Variants in OGDHL observed in about 807,000 individuals in gnomAD.
The protein encoded by OGDHL is 2-oxoglutarate dehydrogenase-like, mitochondrial.
In OGDHL, 79 loss-of-function variants were observed where a neutral mutation model predicts 109.6. That is an observed-to-expected ratio of 0.72 (90% CI 0.60 to 0.87). The LOEUF (loss-of-function observed/expected upper bound fraction) is 0.87, where lower values mean the gene tolerates loss of function less well. Among genes scored for constraint, OGDHL ranks in the 40% least tolerant of loss-of-function variants. The pLI is 0.00. For synonymous variants in OGDHL, 528 were observed against 537.2 expected, an observed-to-expected ratio of 0.98 and a Z score of 0.24; for missense variants, 1,275 against 1,362.2, an observed-to-expected ratio of 0.94 and a Z score of 1.01.
intron 8 of OGDHL, among the ~76,000 whole-genome samples, 153 bp downstream of exon 8, chr10:49,749,573 C>T (rs1002497413): frequency 7.2e-5 from 11 of 152,170 alleles, no homozygotes; most frequent in African/African-American, 2.7e-4. Context: ...TTAGGGTCCT[C>T]AGGCAAACAC....
chr10:49,743,164 G>A (rs1268722), intron 14 of OGDHL, among the ~76,000 whole-genome samples, 186 bp from the exon 15 acceptor site: 57,580 of 152,248 alleles, frequency 0.38, 13,542 homozygotes, highest in East Asian at 0.87. Context: ...GGGCTACCCC[G>A]AGCCTGTGGA....
chr10:49,746,081 G>A, intron 10 of OGDHL, 104 bp from the exon 11 acceptor site: 1 of 1,320,072 alleles, frequency 7.6e-7, no homozygotes, highest in Non-Finnish European at 1.0e-6. Flanking sequence ...GGTCCACTGA[G>A]GTGCCCAGGA....
Position 49,739,653 on chromosome 10 carries a change from G to A in OGDHL, c.2319+8C>T, listed in dbSNP as rs750677681. 8.7e-6 allele frequency: 14 copies of A among 1,611,854 alleles called. No individual in the cohort carries two copies. Among genetic ancestry groups the A allele is most frequent in the Non-Finnish European group, 1.1e-5 (13 of 1,178,688 alleles). The stretch of plus-strand genomic sequence containing the variant: ...CACCAAGCCACCAGCCACCACCGCA[G>A]CCCTCACCATGCCTTCCATGCCATG... On this transcript the variant is annotated splice_region_variant and intron_variant, in intron 17 of 22. Coordinates refer to ENST00000374103, the MANE Select transcript of OGDHL (RefSeq NM_018245.3).
intron 10 of OGDHL, among the ~76,000 whole-genome samples, chr10:49,746,310 C>A (rs563731740): frequency 2.0e-4 from 30 of 152,322 alleles, no homozygotes; most frequent in African/African-American, 6.7e-4. Flanking sequence ...CAGCCTGTTT[C>A]CTCATCTATA....
At chr10:49,735,728 T>C (rs1426610291) in intron 22 of OGDHL, among the ~76,000 whole-genome samples, 1 of 152,228 alleles carries the variant, frequency 6.6e-6, no homozygotes, top group Non-Finnish European at 1.5e-5. Flanking sequence ...CCAGAGCTAA[T>C]ACATACATCA....
rs953616778 is a variant in OGDHL at position 49,762,290 on chromosome 10, A to T, written c.-53T>A. On this transcript the variant is annotated 5_prime_UTR_variant, in exon 1 of 23. Coordinates refer to ENST00000374103, the MANE Select transcript of OGDHL (RefSeq NM_018245.3). ...CAGCGAGGTCCGGAGGCTGCAGGTC[A>T]GGGGGCTGCGCGGAAGGGGTGCGCG... 6.6e-6 allele frequency: 1 copy of T among 152,052 alleles called. No homozygotes were observed. The highest frequency in any genetic ancestry group is 2.4e-5 in the African/African-American group (1 of 41,428). The allele number at this position is 152,052 out of a possible 1,614,324, so 9.4% of individuals were successfully genotyped here. A position where few individuals can be genotyped will look rare whatever the true frequency, so the allele number is the denominator to read the frequency against.
chr10:49,760,616 C>T (rs1843211244), intron 1 of OGDHL, among the ~76,000 whole-genome samples: 2 of 152,224 alleles, frequency 1.3e-5, no homozygotes, highest in Admixed American at 1.3e-4. Flanking sequence ...ACATAATAGG[C>T]ACCGTCAGGA....
rs1224328872 is a variant in OGDHL, at chr10:49,740,772, A to T, written c.2078T>A (p.Leu693His). 6.2e-7 allele frequency: 1 copy of T among 1,613,940 alleles called. No individual in the cohort carries two copies. Among genetic ancestry groups the T allele is most frequent in the Non-Finnish European group, 8.5e-7 (1 of 1,179,856 alleles). Residue 693 changes from leucine to histidine, a missense_variant, in exon 16 of 23, where the codon CTC (leucine) becomes CAC (histidine). Leu to His is a moderately conservative substitution (Grantham distance 99). Coordinates refer to ENST00000374103, the MANE Select transcript of OGDHL (RefSeq NM_018245.3). ...DRRTCVPMNH[L>H]WPDQAPYTVC... ...GGTGTACGGGGCCTGGTCAGGCCAG[A>T]GATGATTCATAGGCACACACGTCCT...
chr10:49,738,018 C>A lies in OGDHL; in HGVS notation c.2446G>T (p.Val816Phe), dbSNP rs758942960. Reference sequence around the variant, plus strand: ...TAGTTGGCCGGTGTGGAGCAGTTGACCACGATCCAGTTGCAGTCATAGAGC... The same window carrying A: ...TAGTTGGCCGGTGTGGAGCAGTTGAACACGATCCAGTTGCAGTCATAGAGC... The part of the protein sequence containing the change: ...SQLYDCNWIV[V>F]NCSTPANYFH... The change falls in exon 19 of 23, where the codon GTC (valine) becomes TTC (phenylalanine). Residue 816 changes from valine (V) to phenylalanine (F), a missense_variant. Coordinates refer to ENST00000374103, the MANE Select transcript of OGDHL (RefSeq NM_018245.3). 6 of 1,614,196 alleles carry A rather than the reference C, an allele frequency of 3.7e-6. No individual in the cohort carries two copies. Among genetic ancestry groups the A allele is most frequent in the Non-Finnish European group, 5.1e-6 (6 of 1,180,038 alleles).
chr10:49,752,139 G>C lies in OGDHL; in HGVS notation c.588C>G (p.Arg196=), dbSNP rs773033450. Residue 196 remains arginine (R), a synonymous_variant, in exon 5 of 23, where the codon CGC becomes CGG. Transcript: ENST00000374103. ...CACACCCGCCTGTGCTCACCTCCAG[G>C]CGCCGAATGATCTCCCGCAGAGAGA... ...NTLSLREIIR[R]LENTYCQHIG... is the part of the protein sequence containing the mutation. The C allele has an allele frequency of 6.2e-7, 1 of 1,613,918 alleles. No homozygotes were observed. Among genetic ancestry groups the C allele is most frequent in the Non-Finnish European group, 8.5e-7 (1 of 1,179,994 alleles).
chr10:49,744,044 A>C lies in OGDHL; in HGVS notation c.1811T>G (p.Ile604Ser). The C allele has an allele frequency of 6.2e-7, 1 of 1,614,096 alleles. No individual in the cohort carries two copies. Among genetic ancestry groups the C allele is most frequent in the Non-Finnish European group, 8.5e-7 (1 of 1,179,962 alleles). Residue 604 changes from isoleucine to serine, a missense_variant, in exon 14 of 23, where the codon ATC becomes AGC. Coordinates refer to ENST00000374103, the MANE Select transcript of OGDHL (RefSeq NM_018245.3). The stretch of plus-strand genomic sequence containing the variant: ...GGGCACAGAGCTGGCCACACTGCCG[A>C]TGTGGGTGAGCATGTCCTCAGGGAT... ...TGIPEDMLTHIGSVASSVPLE... is the reference protein window; with the variant it reads ...TGIPEDMLTHSGSVASSVPLE...
intron 17 of OGDHL, 31 bp downstream of exon 17, chr10:49,739,630 C>T (rs1841489709): frequency 6.2e-7 from 1 of 1,604,380 alleles, no homozygotes. Context: ...CCAGAACCCA[C>T]CAAGCCACCA....
At chr10:49,742,141 AACAT>A (rs753684160) in intron 15 of OGDHL, among the ~76,000 whole-genome samples, 3 of 110,924 alleles carry the variant, frequency 2.7e-5, no homozygotes, top group South Asian at 3.1e-4. Context: ...ACACACACCA[AACAT>A]ACACACACAT....
At position 49,746,756 on chromosome 10, in the gene OGDHL, G is replaced by A. The variant is rs1415983569; in HGVS notation, c.1290C>T (p.Asn430=). ...TTNGTVHVVV[N]NQIGFTTDPR... ...GTGGAGCCTACATGCTCACCTGGTT[G>A]TTGACGACGACGTGCACGGTACCAT... Residue 430 remains asparagine, a synonymous_variant, in exon 10 of 23, where the codon AAC becomes AAT. Coordinates refer to ENST00000374103, the MANE Select transcript of OGDHL (RefSeq NM_018245.3). 6.8e-6 allele frequency: 11 copies of A among 1,614,002 alleles called. No individual in the cohort carries two copies. The highest frequency in any genetic ancestry group is 9.3e-6 in the Non-Finnish European group (11 of 1,179,990).
intron 15 of OGDHL, 100 bp from the exon 16 acceptor site, chr10:49,740,937 G>A (rs1457717887): frequency 1.2e-5 from 18 of 1,471,510 alleles, no homozygotes; most frequent in Admixed American, 8.9e-5. Flanking sequence ...GCAAGCCTCC[G>A]TCACTGTCCC....
chr10:49,738,133 C>G, intron 18 of OGDHL, 58 bp downstream of exon 18: 2 of 1,614,064 alleles, frequency 1.2e-6, no homozygotes, highest in Non-Finnish European at 8.5e-7. Context: ...CCCTGGACCC[C>G]TAGCCCTGTG....
rs917190384 is a variant in OGDHL, at chr10:49,752,216, T to C, written c.511A>G (p.Lys171Glu). Residue 171 changes from lysine (K) to glutamate (E), a missense_variant, in exon 5 of 23, where the codon AAG becomes GAG. Physicochemically the swap from Lys to Glu is moderately conservative, Grantham distance 56. Transcript: ENST00000374103. ...GTGGTTGTCGGCAGCTGGAACTCCT[T>C]ATCAAGGTCAGCCTCCTGAAGGTCA... ...FYDLQEADLD[K>E]EFQLPTTTFI... The C allele has an allele frequency of 1.2e-6, 2 of 1,613,986 alleles. No individual in the cohort carries two copies. The highest frequency in any genetic ancestry group is 1.7e-6 in the Non-Finnish European group (2 of 1,180,000).
Position 49,753,888 on chromosome 10 carries a change from T to TAAAA in OGDHL, c.376-1152_376-1149dup, listed in dbSNP as rs63200161. The stretch of plus-strand genomic sequence containing the variant: ...CTGGGCTACAAGGAGAAACTCCATC[T>TAAAA]AAAAAAAAAAAAAAAAAAAAAAAAG... On this transcript the variant is annotated intron_variant, in intron 3 of 22. Coordinates refer to ENST00000374103, the MANE Select transcript of OGDHL (RefSeq NM_018245.3). Among the ~76,000 whole-genome samples the TAAAA allele has an allele frequency of 1.6e-3, 140 of 87,250 alleles. 1 individual carries two copies. The highest frequency in any genetic ancestry group is 5.0e-3 in the African/African-American group (125 of 25,056). 57.2% of individuals were successfully genotyped at this position (87,250 alleles called of 152,430 possible).
In OGDHL at chr10:49,738,082, C is replaced by T. The variant is rs763433816; in HGVS notation, c.2392-10G>A. On this transcript the variant is annotated splice_polypyrimidine_tract_variant and intron_variant, in intron 18 of 22. Transcript: ENST00000374103. ...AGTCCTTGGTGAATGCCTGTGGGGACGAGATGCATATGGCCAGGGTGGCTG... is the reference window on the plus strand; with the variant it reads ...AGTCCTTGGTGAATGCCTGTGGGGATGAGATGCATATGGCCAGGGTGGCTG... 5 of 1,614,086 alleles carry T rather than the reference C, an allele frequency of 3.1e-6. No homozygotes were observed. Among genetic ancestry groups the T allele is most frequent in the South Asian group, 1.1e-5 (1 of 91,076 alleles).
Sources: gnomAD v4.1 joint callset for allele counts (sites outside exome capture counted in the v4.1 genomes callset) on GRCh38, gnomAD v4.1.1 for gene constraint, MANE v1.5 for transcripts, NCBI Gene and HGNC (gene_info 2026-07-23, HGNC 2026-07-21) for gene names.